Variants in LONP2 observed in about 807,000 individuals in gnomAD.
LONP2 encodes lon protease homolog 2, peroxisomal.
Under a neutral mutation model 85.6 loss-of-function variants are expected in LONP2, and 60 were observed. That is an observed-to-expected ratio of 0.70 (90% CI 0.57 to 0.87). The LOEUF is 0.87. Ranked by LOEUF, LONP2 falls within the 40% of genes least tolerant of loss-of-function variation. The pLI is 0.00. For synonymous variants in LONP2, 395 were observed against 389.7 expected (o/e 1.01, Z -0.16); for missense variants, 860 against 1,063.5 (o/e 0.81, Z 2.66).
intron 10 of LONP2, among the ~76,000 whole-genome samples, chr16:48,302,650 A>T (rs1244161501): frequency 1.3e-5 from 2 of 152,262 alleles, no homozygotes; most frequent in Non-Finnish European, 2.9e-5. Flanking sequence ...TCCTTTAGAA[A>T]TCTTCACAAT....
downstream of LONP2, chr16:48,362,042 C>A (rs377037248): frequency 1.5e-4 from 250 of 1,614,054 alleles, no homozygotes; most frequent in Non-Finnish European, 2.1e-4. The surrounding 1 kb of genome is among the most constrained non-coding windows in gnomAD (Gnocchi z 4.2). Flanking sequence ...CACCAGGGCA[C>A]GGACAGGAAT....
chr16:48,347,155 A>T (rs1261933628), intron 12 of LONP2, among the ~76,000 whole-genome samples: 1 of 152,074 alleles, frequency 6.6e-6, no homozygotes, highest in African/African-American at 2.4e-5. Context: ...ACTGTCTCAA[A>T]ATATATATAT....
intron 11 of LONP2, among the ~76,000 whole-genome samples, chr16:48,304,761 A>AG (rs1393885372): frequency 2.0e-5 from 3 of 152,214 alleles, no homozygotes; most frequent in Non-Finnish European, 2.9e-5. Context: ...CAAAACTGTA[A>AG]GGGGTCTCAG....
At chr16:48,259,495 T>C (rs565533516) in intron 4 of LONP2, among the ~76,000 whole-genome samples, 2 of 152,344 alleles carry the variant, frequency 1.3e-5, no homozygotes, top group East Asian at 3.9e-4. Flanking sequence ...ATATTTGATG[T>C]GGACAGGATG....
chr16:48,298,208 A>G (rs1256489630), intron 9 of LONP2, among the ~76,000 whole-genome samples: 2 of 152,180 alleles, frequency 1.3e-5, no homozygotes, highest in African/African-American at 2.4e-5. Context: ...TAGCTGTCCG[A>G]TCTTCTAGCT....
chr16:48,337,456 T>C (rs1488969296), intron 12 of LONP2, among the ~76,000 whole-genome samples: 3 of 152,226 alleles, frequency 2.0e-5, no homozygotes, highest in African/African-American at 7.2e-5. Context: ...TCCTCAGTCA[T>C]GGTTGTCTTT....
At chr16:48,286,451 A>G (rs549762885) in intron 8 of LONP2, among the ~76,000 whole-genome samples, 68 of 151,892 alleles carry the variant, frequency 4.5e-4, no homozygotes, top group Non-Finnish European at 5.9e-4. Context: ...GCTGATTTGT[A>G]ATCTTTATCT....
At position 48,285,307 on chromosome 16, in the gene LONP2, G is replaced by A. The variant is rs566680237; in HGVS notation, c.1383+7828G>A. 5.9e-5 allele frequency among the ~76,000 whole-genome samples: 9 copies of A among 152,116 alleles called. No individual in the cohort carries two copies. The South Asian group carries it at 1.9e-3, about 32-fold the overall frequency. On this transcript the variant is annotated intron_variant, in intron 8 of 14. Transcript: ENST00000285737. Reference sequence around the variant, plus strand: ...GTCTTTCATTTCTGACAGATTGACTGTGTTTATGTGTGATCCTCTGAGTTT... The same window carrying A: ...GTCTTTCATTTCTGACAGATTGACTATGTTTATGTGTGATCCTCTGAGTTT...
downstream of LONP2, chr16:48,360,474 A>G (rs901310269): frequency 3.9e-4 from 59 of 152,776 alleles, no homozygotes; most frequent in African/African-American, 1.4e-3. Flanking sequence ...TATGGAATGA[A>G]ACAGGAAAAT....
intron 14 of LONP2, among the ~76,000 whole-genome samples, 199 bp from the exon 15 acceptor site, chr16:48,351,382 T>A (rs930609421): frequency 6.6e-6 from 1 of 152,184 alleles, no homozygotes; most frequent in Non-Finnish European, 1.5e-5. Context: ...GTCTTTAATA[T>A]AACACCAATT....
At chr16:48,311,665 C>T (rs895097769) in intron 11 of LONP2, among the ~76,000 whole-genome samples, 8 of 152,176 alleles carry the variant, frequency 5.3e-5, no homozygotes, top group South Asian at 4.2e-4. Context: ...AACAGGGTCT[C>T]GCTCTGTTGC....
In LONP2 at chr16:48,327,468, G is replaced by GT. The variant is rs532672747; in HGVS notation, c.1796-6741dup. 9.9e-5 allele frequency among the ~76,000 whole-genome samples: 15 copies of GT among 151,854 alleles called. No homozygotes were observed. The East Asian group carries it at 2.7e-3, about 27-fold the overall frequency. On this transcript the variant is annotated intron_variant, in intron 11 of 14. Coordinates refer to ENST00000285737, the MANE Select transcript of LONP2 (RefSeq NM_031490.5). ...TTACTTAGTTTTTTTGTTTTGTTTT[G>GT]TTTTTTTGGGATGGAATCTCACGTT...
chr16:48,255,027 C>T (rs769667008), intron 2 of LONP2, among the ~76,000 whole-genome samples: 2 of 152,134 alleles, frequency 1.3e-5, no homozygotes, highest in Non-Finnish European at 1.5e-5. Context: ...TCCAAAATTA[C>T]GATGTTGTTG....
At chr16:48,293,349 G>A (rs1359997633) in intron 8 of LONP2, among the ~76,000 whole-genome samples, 1 of 152,034 alleles carries the variant, frequency 6.6e-6, no homozygotes, top group Non-Finnish European at 1.5e-5. Context: ...AATGGCGTGA[G>A]CCCGGGAGGC....
intron 11 of LONP2, among the ~76,000 whole-genome samples, chr16:48,319,093 T>A (rs1973208633): frequency 6.6e-6 from 1 of 151,948 alleles, no homozygotes; most frequent in African/African-American, 2.4e-5. Flanking sequence ...GAAAGTAACC[T>A]CTGTGGCCAG....
At chr16:48,314,900 T>C (rs539220913) in intron 11 of LONP2, among the ~76,000 whole-genome samples, 1 of 152,348 alleles carries the variant, frequency 6.6e-6, no homozygotes, top group Admixed American at 6.5e-5. Context: ...TTGTGGAATC[T>C]TTTGGATTTT....
rs1436456788 is a variant in LONP2, at chr16:48,355,278, A to C, written c.*3476A>C. 1 of 152,086 alleles carries C rather than the reference A, an allele frequency of 6.6e-6. No homozygotes were observed. The allele number at this position is 152,086 out of a possible 1,614,324, so 9.4% of individuals were successfully genotyped here. Reference sequence around the variant, plus strand: ...CTTTAGGAGGTGATTATGTCATGAGAGCTCCATCCTCATTAATGGATTTAG... The same window carrying C: ...CTTTAGGAGGTGATTATGTCATGAGCGCTCCATCCTCATTAATGGATTTAG... On this transcript the variant is annotated 3_prime_UTR_variant, in exon 15 of 15. Transcript: ENST00000285737.
At position 48,348,226 on chromosome 16, in the gene LONP2, G is replaced by A; in HGVS notation, c.2273G>A (p.Gly758Glu). The part of the protein sequence containing the change: ...IVTCLASLFS[G>E]RLVRSDVAMT... ...ACCTGTCTCGCCTCACTTTTTAGTG[G>A]GCGGCTGGTACGTTCAGATGTAGCC... Residue 758 changes from glycine to glutamate, a missense_variant, in exon 14 of 15, where the codon GGG becomes GAG. By Grantham distance (98) the Gly-to-Glu change is moderately conservative. This residue lies in a region of LONP2 where 115 missense variants were observed against 129.0 expected (regional missense o/e 0.89). Coordinates refer to ENST00000285737, the MANE Select transcript of LONP2 (RefSeq NM_031490.5). 1.2e-6 allele frequency: 2 copies of A among 1,611,832 alleles called. No homozygotes were observed. Among genetic ancestry groups the A allele is most frequent in the Non-Finnish European group, 1.7e-6 (2 of 1,179,494 alleles).
At chr16:48,294,232 T>C (rs772846137) in intron 8 of LONP2, among the ~76,000 whole-genome samples, 4 of 152,198 alleles carry the variant, frequency 2.6e-5, no homozygotes, top group Non-Finnish European at 4.4e-5. Context: ...TGAGCCACCG[T>C]GCCCGGCCTG....
Sources: gnomAD v4.1 joint callset for allele counts (sites outside exome capture counted in the v4.1 genomes callset) on GRCh38, gnomAD v4.1.1 for gene constraint, gnomAD v4.1.1 regional missense constraint, Gnocchi (gnomAD v3.1) non-coding constraint, MANE v1.5 for transcripts, NCBI Gene and HGNC (gene_info 2026-07-23, HGNC 2026-07-21) for gene names.